DHX34: variants seen among roughly 807,000 people sequenced by gnomAD.
The protein encoded by DHX34 is probable ATP-dependent RNA helicase DHX34.
A neutral mutation model predicts 111.1 loss-of-function variants in DHX34; 96 were observed. The observed-to-expected ratio is 0.86, with a 90% CI of 0.73 to 1.02. DHX34 has a LOEUF of 1.02. Ranked by LOEUF, DHX34 falls within the 50% of genes least tolerant of loss-of-function variation. DHX34 has a pLI of 0.00. For missense variants in DHX34, 1,560 were observed against 1,579.9 expected (o/e 0.99, Z 0.21); for synonymous variants, 688 against 670.4 (o/e 1.03, Z -0.41).
chr19:47,368,270 AACAGTCTCATCAT>A (rs1271975730), intron 7 of DHX34, among the ~76,000 whole-genome samples: 5 of 89,780 alleles, frequency 5.6e-5, no homozygotes, highest in African/African-American at 2.0e-4. Context: ...AGATGTAACC[AACAGTCTCATCAT>A]TCATTCATTA....
At chr19:47,380,603 T>A (rs1599780072) in intron 14 of DHX34, 2 of 970,220 alleles carry the variant, frequency 2.1e-6, no homozygotes, top group South Asian at 9.6e-5. Context: ...AAGAGGGGCC[T>A]GGGGAGGGCA....
chr19:47,376,426 C>A lies in DHX34; in HGVS notation c.2482-17C>A. 1 of 1,607,612 alleles carries A rather than the reference C, an allele frequency of 6.2e-7. No individual in the cohort carries two copies. Among genetic ancestry groups the A allele is most frequent in the Non-Finnish European group, 8.5e-7 (1 of 1,177,592 alleles). On this transcript the variant is annotated splice_polypyrimidine_tract_variant and intron_variant, in intron 11 of 16. Transcript: ENST00000328771. ...GAGCAGATAGGAGGGCTTGTGCTTT[C>A]TCTCTGTCCTCCGCAGATTTTCCAC...
intron 13 of DHX34, among the ~76,000 whole-genome samples, chr19:47,378,349 C>T (rs144726242): frequency 6.6e-6 from 1 of 152,312 alleles, no homozygotes; most frequent in East Asian, 1.9e-4. Context: ...GTCAACCAAA[C>T]TCCCCACCCT....
At chr19:47,360,848 G>A (rs1297228541) in intron 5 of DHX34, among the ~76,000 whole-genome samples, 1 of 151,848 alleles carries the variant, frequency 6.6e-6, no homozygotes, top group Non-Finnish European at 1.5e-5. Context: ...ATTTTTGTAT[G>A]TTTAGGAGAG....
rs965781254 is a variant in DHX34 at position 47,372,978 on chromosome 19, TCTGTGG to T, written c.1962+64_1962+69del. On this transcript the variant is annotated intron_variant, in intron 8 of 16. Coordinates refer to ENST00000328771, the MANE Select transcript of DHX34 (RefSeq NM_014681.6). The stretch of plus-strand genomic sequence containing the variant: ...GTCACCCTGCTCAGGGCCAAGGCCT[TCTGTGG>T]CTGTGGCTCCTCCTCGTGTCCCACC... The T allele has an allele frequency of 6.6e-6, 10 of 1,509,078 alleles. No individual in the cohort carries two copies. In the African/African-American group the frequency reaches 8.3e-5, roughly 13 times the overall value. 93.5% of individuals were successfully genotyped at this position (1,509,078 alleles called of 1,614,324 possible).
chr19:47,380,934 C>G lies in DHX34; in HGVS notation c.3101C>G (p.Pro1034Arg). 6.2e-7 allele frequency: 1 copy of G among 1,608,628 alleles called. No homozygotes were observed. Among genetic ancestry groups the G allele is most frequent in the Admixed American group, 1.7e-5 (1 of 58,956 alleles). ...PGLFGSSTLS[P>R]HPTKGGYAVT... ...CTCTTTGGCAGCTCCACCCTGTCCC[C>G]CCACCCCACAAAGGGGGGCTACGCA... The change falls in exon 15 of 17, where the codon CCC (proline) becomes CGC (arginine). Residue 1034 changes from proline to arginine, a missense_variant. Coordinates refer to ENST00000328771, the MANE Select transcript of DHX34 (RefSeq NM_014681.6).
intron 6 of DHX34, 126 bp downstream of exon 6, chr19:47,362,819 A>G: frequency 1.1e-6 from 1 of 939,280 alleles, no homozygotes; most frequent in East Asian, 2.8e-5. Flanking sequence ...CACTCAGGCT[A>G]GAGTGCAGTG....
intron 13 of DHX34, among the ~76,000 whole-genome samples, chr19:47,379,404 C>T (rs142305164): frequency 4.6e-5 from 7 of 152,296 alleles, no homozygotes; most frequent in Non-Finnish European, 8.8e-5. Flanking sequence ...CCCTGCACGT[C>T]GTGTGTGTCT....
intron 3 of DHX34, 63 bp from the exon 4 acceptor site, chr19:47,357,803 C>G (rs1568395661): frequency 6.4e-7 from 1 of 1,554,910 alleles, no homozygotes; most frequent in Non-Finnish European, 8.7e-7. Flanking sequence ...TGCAGCCTCC[C>G]CAGCCCATTG....
Position 47,353,590 on chromosome 19 carries a change from C to G in DHX34, c.560C>G (p.Thr187Ser). 6.2e-7 allele frequency: 1 copy of G among 1,613,164 alleles called. No individual in the cohort carries two copies. Among genetic ancestry groups the G allele is most frequent in the South Asian group, 1.1e-5 (1 of 91,084 alleles). Residue 187 changes from threonine (T) to serine (S), a missense_variant, in exon 2 of 17, where the codon ACC becomes AGC. By Grantham distance (58) the Thr-to-Ser change is moderately conservative. Transcript: ENST00000328771. This position sits in a 1 kb window ranked among gnomAD's most constrained non-coding sequence, Gnocchi z 4.6. The stretch of plus-strand genomic sequence containing the variant: ...CAGGTGGTGGTAGTGGCCGGTGACA[C>G]CGGCTGTGGCAAGTCCACTCAGGTG... Reference protein sequence around the residue: ...EHQVVVVAGDTGCGKSTQVPQ... With the variant: ...EHQVVVVAGDSGCGKSTQVPQ...
In DHX34 at chr19:47,373,618, G is replaced by T; in HGVS notation, c.1982G>T (p.Arg661Ile). The change falls in exon 9 of 17, where the codon AGA becomes ATA. Residue 661 changes from arginine (R) to isoleucine (I), a missense_variant. By Grantham distance (97) the Arg-to-Ile change is moderately conservative. Coordinates refer to ENST00000328771, the MANE Select transcript of DHX34 (RefSeq NM_014681.6). The stretch of plus-strand genomic sequence containing the variant: ...ACCCAGGTGAAATCTGAACGGAGCA[G>T]AAACTCTCGCAAGTGGTGCCGCCGC... ...AWVQVKSERSRNSRKWCRRRG... is the reference protein window; with the variant it reads ...AWVQVKSERSINSRKWCRRRG... 1 of 1,613,916 alleles carries T rather than the reference G, an allele frequency of 6.2e-7. No individual in the cohort carries two copies. Among genetic ancestry groups the T allele is most frequent in the Non-Finnish European group, 8.5e-7 (1 of 1,179,962 alleles).
intron 7 of DHX34, among the ~76,000 whole-genome samples, chr19:47,371,006 G>A (rs1969949145): frequency 6.6e-6 from 1 of 152,224 alleles, no homozygotes; most frequent in Admixed American, 6.5e-5. Context: ...CAGGGCTAGA[G>A]CAGGGAGAAT....
In DHX34 at chr19:47,373,608, G is replaced by A. The variant is rs1336659357; in HGVS notation, c.1972G>A (p.Glu658Lys). The change falls in exon 9 of 17, where the codon GAA becomes AAA. Residue 658 changes from glutamate to lysine, a missense_variant. Glu to Lys is a moderately conservative substitution (Grantham distance 56). Transcript: ENST00000328771. ...CTGCTCCTCCACCCAGGTGAAATCT[G>A]AACGGAGCAGAAACTCTCGCAAGTG... ...VFNAWVQVKS[E>K]RSRNSRKWCR... The A allele has an allele frequency of 1.2e-6, 2 of 1,613,736 alleles. No homozygotes were observed. Among genetic ancestry groups the A allele is most frequent in the South Asian group, 1.1e-5 (1 of 91,050 alleles).
intron 3 of DHX34, among the ~76,000 whole-genome samples, chr19:47,356,927 C>A (rs1180894062): frequency 6.6e-6 from 1 of 152,070 alleles, no homozygotes; most frequent in Non-Finnish European, 1.5e-5. Context: ...GGTGACAGAG[C>A]GAGACCCTGT....
At chr19:47,358,306 C>T (rs1443266858) in intron 4 of DHX34, among the ~76,000 whole-genome samples, 186 bp downstream of exon 4, 2 of 152,198 alleles carry the variant, frequency 1.3e-5, no homozygotes, top group African/African-American at 4.8e-5. Flanking sequence ...ATGCTCTAAA[C>T]CAGAGGTCGG....
intron 6 of DHX34, 99 bp from the exon 7 acceptor site, chr19:47,366,882 G>A: frequency 2.8e-6 from 4 of 1,407,972 alleles, no homozygotes; most frequent in East Asian, 2.7e-5. Context: ...CCAACACTAG[G>A]AATTTTAAAA....
rs920132657 is a variant in DHX34 at position 47,362,245 on chromosome 19, G to T, written c.1376-231G>T. On this transcript the variant is annotated intron_variant, in intron 5 of 16. Transcript: ENST00000328771. ...TGACTGAGCCACTGCACTCCAGCCT[G>T]GGAGACAGTGAGACCCTGTCTCAAA... is the stretch of plus-strand genomic sequence containing the variant. The T allele has an allele frequency of 1.0e-5, 7 of 690,600 alleles. No individual in the cohort carries two copies. In the African/African-American group the frequency reaches 1.5e-4, roughly 14 times the overall value. The allele number at this position is 690,600 out of a possible 1,614,324, so 42.8% of individuals were successfully genotyped here.
intron 1 of DHX34, among the ~76,000 whole-genome samples, chr19:47,349,564 A>G (rs1168778446): frequency 6.6e-6 from 1 of 152,168 alleles, no homozygotes; most frequent in East Asian, 1.9e-4. Context: ...CCAGAGACCG[A>G]AAGAAATGGA....
At chr19:47,356,235 T>A (rs959178031) in intron 3 of DHX34, among the ~76,000 whole-genome samples, 1 of 152,122 alleles carries the variant, frequency 6.6e-6, no homozygotes, top group Non-Finnish European at 1.5e-5. Context: ...TCCTAGTGAG[T>A]TATCCTTGTC....
Sources: allele counts gnomAD v4.1 joint callset (sites outside exome capture counted in the v4.1 genomes callset), GRCh38; gene constraint gnomAD v4.1.1; non-coding constraint Gnocchi (gnomAD v3.1); transcripts MANE v1.5; gene names NCBI Gene and HGNC (gene_info 2026-07-23, HGNC 2026-07-21).